The following SSH2 variants were observed in gnomAD, a reference collection of about 807,000 sequenced individuals.
SSH2 encodes the protein protein phosphatase Slingshot homolog 2.
Under a neutral mutation model 135.2 loss-of-function variants are expected in SSH2, and 37 were observed. That is an observed-to-expected ratio of 0.27 (90% CI 0.21 to 0.36). The LOEUF (loss-of-function observed/expected upper bound fraction) is 0.36. Among genes scored for constraint, SSH2 ranks in the 10% least tolerant of loss-of-function variants. The pLI, the probability that SSH2 is intolerant of heterozygous loss-of-function variation, is 1.00. For missense variants in SSH2, 1,408 were observed against 1,765.3 expected (o/e 0.80, Z 3.63); for synonymous variants, 628 against 646.2 (o/e 0.97, Z 0.43).
chr17:29,871,987 G>A (rs1170902330), intron 1 of SSH2, among the ~76,000 whole-genome samples: 2 of 152,130 alleles, frequency 1.3e-5, no homozygotes, highest in African/African-American at 4.8e-5. Flanking sequence ...ATGAGTTACT[G>A]TCCTTAATAC....
chr17:29,786,548 G>A (rs1598997769), intron 3 of SSH2, among the ~76,000 whole-genome samples: 1 of 152,004 alleles, frequency 6.6e-6, no homozygotes, highest in East Asian at 1.9e-4. Flanking sequence ...GCTGAACTAA[G>A]GAAAAGTACT....
intron 1 of SSH2, among the ~76,000 whole-genome samples, chr17:29,915,986 C>A (rs1200236846): frequency 3.2e-5 from 4 of 123,276 alleles, no homozygotes; most frequent in South Asian, 3.1e-4. Flanking sequence ...CCCCTCCCCC[C>A]ACCCCACAAC....
intron 9 of SSH2, among the ~76,000 whole-genome samples, chr17:29,668,940 T>C (rs1162435947): frequency 3.3e-5 from 5 of 151,970 alleles, no homozygotes; most frequent in African/African-American, 1.2e-4. Flanking sequence ...GAGCCTCTGT[T>C]TCCTTTTCTA....
At chr17:29,659,738 C>A (rs2036946304) in intron 11 of SSH2, among the ~76,000 whole-genome samples, 1 of 152,190 alleles carries the variant, frequency 6.6e-6, no homozygotes, top group South Asian at 2.1e-4. Context: ...CCGTGTTAGC[C>A]AGGATGGTCT....
chr17:29,637,612 T>G (rs1049731351), intron 14 of SSH2, among the ~76,000 whole-genome samples: 4 of 151,130 alleles, frequency 2.6e-5, no homozygotes, highest in Admixed American at 2.6e-4. Context: ...TAAAACTCCA[T>G]CTGTACAAAA....
chr17:29,752,419 A>T (rs1264397206), intron 3 of SSH2, among the ~76,000 whole-genome samples: 1 of 152,144 alleles, frequency 6.6e-6, no homozygotes, highest in Non-Finnish European at 1.5e-5. Flanking sequence ...CAAATTAGTG[A>T]AGTAAGAATG....
intron 2 of SSH2, among the ~76,000 whole-genome samples, chr17:29,808,348 C>G (rs979380552): frequency 2.6e-5 from 4 of 152,302 alleles, no homozygotes; most frequent in Admixed American, 2.6e-4. Flanking sequence ...AGGCTGGTCT[C>G]GAACTCCTGA....
chr17:29,776,600 T>C (rs1451306441), intron 3 of SSH2: 1 of 152,266 alleles, frequency 6.6e-6, no homozygotes, highest in African/African-American at 2.4e-5. Flanking sequence ...GAGGCCTGCA[T>C]TGTGGTCTTT....
At chr17:29,673,442 T>C (rs1017957599) in intron 8 of SSH2, among the ~76,000 whole-genome samples, 6 of 151,976 alleles carry the variant, frequency 3.9e-5, no homozygotes, top group Admixed American at 1.3e-4. Flanking sequence ...CGGTGGCACA[T>C]GCCTGTAGTC....
intron 3 of SSH2, among the ~76,000 whole-genome samples, chr17:29,755,660 T>G (rs2041089692): frequency 6.6e-6 from 1 of 151,056 alleles, no homozygotes; most frequent in South Asian, 2.1e-4. Context: ...AATTTTCTTT[T>G]CTTTTTCTTT....
chr17:29,816,054 G>A (rs2151334868), intron 2 of SSH2, among the ~76,000 whole-genome samples: 1 of 152,038 alleles, frequency 6.6e-6, no homozygotes, highest in Non-Finnish European at 1.5e-5. Flanking sequence ...TTGCCATGTT[G>A]GCCAGGCTGG....
chr17:29,796,542 A>T (rs1440367951), intron 2 of SSH2, among the ~76,000 whole-genome samples: 2 of 152,006 alleles, frequency 1.3e-5, no homozygotes, highest in African/African-American at 4.8e-5. Context: ...GGCTTTCTCC[A>T]TGTTGGCCAG....
chr17:29,879,153 C>A (rs1187765744), intron 1 of SSH2, among the ~76,000 whole-genome samples: 1 of 151,844 alleles, frequency 6.6e-6, no homozygotes, highest in African/African-American at 2.4e-5. Context: ...ATTTTCCCAA[C>A]AAAAAAATCA....
At chr17:29,644,912 A>C (rs997369184) in intron 14 of SSH2, 5 of 152,212 alleles carry the variant, frequency 3.3e-5, no homozygotes, top group African/African-American at 1.2e-4. Flanking sequence ...CTTGCAGCCA[A>C]AAGCAGCCTA....
chr17:29,879,202 T>C (rs765141330), intron 1 of SSH2, among the ~76,000 whole-genome samples: 9 of 152,148 alleles, frequency 5.9e-5, no homozygotes, highest in Non-Finnish European at 1.0e-4. Context: ...ATTGAAAATC[T>C]GTAATATAGT....
At position 29,631,928 on chromosome 17, in the gene SSH2, C is replaced by G. The variant is rs2035696520; in HGVS notation, c.3266G>C (p.Arg1089Thr). 1 of 1,614,156 alleles carries G rather than the reference C, an allele frequency of 6.2e-7. No homozygotes were observed. Residue 1089 changes from arginine to threonine, a missense_variant, in exon 16 of 16, where the codon AGG becomes ACG. Transcript: ENST00000540801. ...AGAAACCTGGTTGGGGTCCAGAGTC[C>G]TGTTTAGATTTTCATCCAGTGTGCA... ...VLCTLDENLN[R>T]TLDPNQVSLH...
At chr17:29,677,574 T>C in intron 7 of SSH2, 99 bp downstream of exon 7, 1 of 961,526 alleles carries the variant, frequency 1.0e-6, no homozygotes, top group Admixed American at 1.8e-5. Context: ...GAAAGTTCAG[T>C]TGGCACACTG....
At chr17:29,652,395 A>G (rs1051731626) in intron 12 of SSH2, among the ~76,000 whole-genome samples, 18 of 152,158 alleles carry the variant, frequency 1.2e-4, no homozygotes, top group African/African-American at 3.9e-4. Flanking sequence ...GGGTAAGAAG[A>G]AAAATGGAGG....
chr17:29,905,402 G>T (rs993514959), intron 1 of SSH2, among the ~76,000 whole-genome samples: 1 of 152,194 alleles, frequency 6.6e-6, no homozygotes, highest in African/African-American at 2.4e-5. Flanking sequence ...CAGCAGGGAG[G>T]TGTGGCTGGG....
Sources: gnomAD v4.1 joint callset for allele counts (sites outside exome capture counted in the v4.1 genomes callset) on GRCh38, gnomAD v4.1.1 for gene constraint, MANE v1.5 for transcripts, NCBI Gene and HGNC (gene_info 2026-07-23, HGNC 2026-07-21) for gene names.